DNAJB6: variants seen among roughly 807,000 people sequenced by gnomAD.
DNAJB6 encodes the protein DnaJ heat shock protein family (Hsp40) member B6, also known as dnaJ homolog subfamily B member 6.
DNAJB6 carries 16 observed loss-of-function variants against 42.7 expected under a neutral mutation model. The ratio of observed to expected loss-of-function variants is 0.37; its 90% CI spans 0.25 to 0.57. DNAJB6 has a LOEUF of 0.57. DNAJB6 is among the 20% of genes least tolerant of loss of function. The pLI is 0.74. For synonymous variants in DNAJB6, 170 were observed against 163.5 expected (o/e 1.04, Z -0.30); for missense variants, 347 against 416.8 (o/e 0.83, Z 1.46).
chr7:157,372,953 T>C (rs1335065851), intron 5 of DNAJB6, among the ~76,000 whole-genome samples: 1 of 152,210 alleles, frequency 6.6e-6, no homozygotes, highest in East Asian at 1.9e-4. Context: ...TTTAATGTTT[T>C]AGAGACAGAT....
At chr7:157,356,055 T>A (rs1372658095) in intron 1 of DNAJB6, among the ~76,000 whole-genome samples, 1 of 152,232 alleles carries the variant, frequency 6.6e-6, no homozygotes. Context: ...TGCGAGGGCA[T>A]GTGTGCTTGG....
At chr7:157,388,011 A>T (rs200997207) in intron 8 of DNAJB6, among the ~76,000 whole-genome samples, 3 of 151,892 alleles carry the variant, frequency 2.0e-5, no homozygotes, top group Non-Finnish European at 4.4e-5. Context: ...ACACTCAGCT[A>T]ATTTTTGTAT....
intron 1 of DNAJB6, among the ~76,000 whole-genome samples, chr7:157,353,619 G>GTATGTA (rs1554453983): frequency 6.8e-6 from 1 of 146,890 alleles, no homozygotes; most frequent in African/African-American, 2.6e-5. Flanking sequence ...GTGTGTGTGT[G>GTATGTA]TGTATGTATT....
chr7:157,385,070 T>G, intron 7 of DNAJB6, 62 bp downstream of exon 7: 1 of 1,537,606 alleles, frequency 6.5e-7, no homozygotes, highest in Non-Finnish European at 8.9e-7. Flanking sequence ...ACTGGTGCCA[T>G]GTTGCACGTC....
At chr7:157,360,447 G>C (rs1402228338) in intron 2 of DNAJB6, among the ~76,000 whole-genome samples, 1 of 152,200 alleles carries the variant, frequency 6.6e-6, no homozygotes, top group Non-Finnish European at 1.5e-5. Flanking sequence ...CAATGGATAA[G>C]CATAATATGT....
chr7:157,341,966 A>G (rs933842758), intron 1 of DNAJB6, among the ~76,000 whole-genome samples: 2 of 152,072 alleles, frequency 1.3e-5, no homozygotes, highest in Non-Finnish European at 2.9e-5. Context: ...TCTGGGGTTC[A>G]AGCGATTCTC....
chr7:157,404,855 T>C (rs576740758), intron 8 of DNAJB6, among the ~76,000 whole-genome samples: 26 of 152,182 alleles, frequency 1.7e-4, no homozygotes, highest in Admixed American at 1.5e-3. Context: ...GCTAAGCTGG[T>C]CTCAAACTCC....
intron 1 of DNAJB6, among the ~76,000 whole-genome samples, chr7:157,341,281 C>T (rs1357598639): frequency 6.6e-6 from 1 of 152,010 alleles, no homozygotes; most frequent in Non-Finnish European, 1.5e-5. Flanking sequence ...CCTGCCACTG[C>T]TCCCGACTGA....
intron 8 of DNAJB6, among the ~76,000 whole-genome samples, chr7:157,391,975 C>T (rs906391775): frequency 2.6e-5 from 4 of 151,450 alleles, no homozygotes; most frequent in African/African-American, 7.3e-5. Flanking sequence ...TGGTGGCGTG[C>T]GCTTGTAGTC....
rs71717756 is a variant in DNAJB6, at chr7:157,357,288, GTCCTTCCTTCCT to G, written c.-26-1234_-26-1223del. Among the ~76,000 whole-genome samples, 59 of 32,184 alleles carry G rather than the reference GTCCTTCCTTCCT, an allele frequency of 1.8e-3. 12 individuals are homozygous for G. The highest frequency in any genetic ancestry group is 7.6e-3 in the East Asian group (3 of 394). 21.1% of individuals were successfully genotyped at this position (32,184 alleles called of 152,430 possible). A position where few individuals can be genotyped will look rare whatever the true frequency, so the allele number is the denominator to read the frequency against. ...CGTCCTTCCTTCCGTCCTTCCTTCC[GTCCTTCCTTCCT>G]TCCTTCCTTCCTTCCTTCCTTCCTC... On this transcript the variant is annotated intron_variant, in intron 1 of 9. Transcript: ENST00000262177.
chr7:157,348,918 T>C (rs1798829403), intron 1 of DNAJB6, among the ~76,000 whole-genome samples: 2 of 152,246 alleles, frequency 1.3e-5, no homozygotes, highest in South Asian at 4.1e-4. Context: ...CTTTTGCCTC[T>C]GTTCTCTGCC....
intron 2 of DNAJB6, among the ~76,000 whole-genome samples, chr7:157,361,608 C>G (rs1331756717): frequency 1.3e-5 from 2 of 152,170 alleles, no homozygotes; most frequent in Non-Finnish European, 2.9e-5. Flanking sequence ...TAATAACTTG[C>G]CTAGTGTTAA....
At chr7:157,390,409 T>C (rs979775215) in intron 8 of DNAJB6, among the ~76,000 whole-genome samples, 2 of 152,202 alleles carry the variant, frequency 1.3e-5, no homozygotes, top group African/African-American at 4.8e-5. Context: ...GTTTCTCTCT[T>C]AAACAGGGCA....
chr7:157,369,287 A>G (rs959628151), intron 5 of DNAJB6: 1 of 456,580 alleles, frequency 2.2e-6, no homozygotes, highest in African/African-American at 2.0e-5. Context: ...TAATTTACGG[A>G]TTGATCTCTG....
chr7:157,376,606 CAATCAGATCATA>C (rs553386659), intron 5 of DNAJB6, among the ~76,000 whole-genome samples: 66 of 152,246 alleles, frequency 4.3e-4, no homozygotes, highest in African/African-American at 1.5e-3. Flanking sequence ...CATGAGACAT[CAATCAGATCATA>C]ACCTGTAATC....
chr7:157,341,868 C>T (rs547165735), intron 1 of DNAJB6, among the ~76,000 whole-genome samples: 36 of 152,192 alleles, frequency 2.4e-4, no homozygotes, highest in African/African-American at 8.2e-4. Context: ...AGTACTTAAC[C>T]GAGTGTTGCT....
chr7:157,362,795 CT>C (rs1418639365), intron 2 of DNAJB6, among the ~76,000 whole-genome samples: 2 of 152,162 alleles, frequency 1.3e-5, no homozygotes, highest in African/African-American at 4.8e-5. Context: ...TATTCTAAAA[CT>C]TACTTTAATG....
At chr7:157,374,502 A>G (rs1800375724) in intron 5 of DNAJB6, among the ~76,000 whole-genome samples, 1 of 151,816 alleles carries the variant, frequency 6.6e-6, no homozygotes, top group Non-Finnish European at 1.5e-5. Flanking sequence ...CAGGCGATCC[A>G]CCCACCTCGG....
intron 1 of DNAJB6, among the ~76,000 whole-genome samples, chr7:157,342,414 T>A (rs1798446150): frequency 7.4e-6 from 1 of 135,672 alleles, no homozygotes; most frequent in Admixed American, 8.9e-5. Context: ...CTCAGCTCAC[T>A]GCAACCTCTG....
Sources: gnomAD v4.1 joint callset for allele counts (sites outside exome capture counted in the v4.1 genomes callset) on GRCh38, gnomAD v4.1.1 for gene constraint, MANE v1.5 for transcripts, NCBI Gene and HGNC (gene_info 2026-07-23, HGNC 2026-07-21) for gene names.